KHDRBS3: variants seen among roughly 807,000 people sequenced by gnomAD.
KHDRBS3 encodes KH domain-containing, RNA-binding, signal transduction-associated protein 3.
KHDRBS3 carries 23 observed loss-of-function variants against 45.6 expected under a neutral mutation model. That is an observed-to-expected ratio of 0.50 (90% confidence interval 0.36 to 0.72). The LOEUF (loss-of-function observed/expected upper bound fraction) is 0.72, where lower values mean the gene tolerates loss of function less well. Among genes scored for constraint, KHDRBS3 ranks in the 30% least tolerant of loss-of-function variants. KHDRBS3 has a pLI of 0.00. For missense variants in KHDRBS3, 352 were observed against 424.8 expected, an observed-to-expected ratio of 0.83 and a Z score of 1.51; for synonymous variants, 162 against 156.5, an observed-to-expected ratio of 1.04 and a Z score of -0.26.
intron 6 of KHDRBS3, among the ~76,000 whole-genome samples, chr8:135,604,344 G>A (rs2131016327): frequency 6.6e-6 from 1 of 151,986 alleles, no homozygotes; most frequent in African/African-American, 2.4e-5. Flanking sequence ...TAGACAGCAT[G>A]TGGTTGGATC....
intron 5 of KHDRBS3, among the ~76,000 whole-genome samples, 170 bp downstream of exon 5, chr8:135,557,757 C>T (rs962959040): frequency 3.3e-5 from 5 of 152,112 alleles, no homozygotes; most frequent in African/African-American, 1.2e-4. Flanking sequence ...AGTTCGAGGC[C>T]ATGGTATGCT....
chr8:135,614,695 C>A (rs1176276933), intron 7 of KHDRBS3, among the ~76,000 whole-genome samples: 1 of 151,266 alleles, frequency 6.6e-6, no homozygotes, highest in Non-Finnish European at 1.5e-5. Context: ...TTCCCAAGAC[C>A]CCATGGTAAG....
At chr8:135,545,976 A>G (rs1361813595) in intron 3 of KHDRBS3, among the ~76,000 whole-genome samples, 1 of 152,054 alleles carries the variant, frequency 6.6e-6, no homozygotes, top group Non-Finnish European at 1.5e-5. Context: ...CATCTATACT[A>G]AAAATATAAA....
rs1411654335 is a variant in KHDRBS3, at chr8:135,524,893, G to A, written c.207+3538G>A. Among the ~76,000 whole-genome samples, 4 of 151,538 alleles carry A rather than the reference G, an allele frequency of 2.6e-5. No individual in the cohort carries two copies. The East Asian group carries it at 7.7e-4, about 29-fold the overall frequency. ...TGTAAAAATATTTTTTTCTCTCTTG[G>A]GATTTTCTATTTTTTAATTCATTGC... is the stretch of plus-strand genomic sequence containing the variant. On this transcript the variant is annotated intron_variant, in intron 2 of 8. Coordinates refer to ENST00000355849, the MANE Select transcript of KHDRBS3 (RefSeq NM_006558.3).
intron 8 of KHDRBS3, among the ~76,000 whole-genome samples, chr8:135,645,992 ATTTTTTTTTTTTT>A (rs57082119): frequency 7.0e-5 from 7 of 100,688 alleles, no homozygotes; most frequent in Admixed American, 2.5e-4. Context: ...TGCACCTTGG[ATTTTTTTTTTTTT>A]TTTTTTTTTT....
chr8:135,595,109 A>C (rs897243432), intron 6 of KHDRBS3, among the ~76,000 whole-genome samples: 2 of 152,224 alleles, frequency 1.3e-5, no homozygotes, highest in Non-Finnish European at 2.9e-5. Flanking sequence ...GGCACAGAAT[A>C]GTAGATATTC....
At chr8:135,604,500 CCTT>C (rs1311346245) in intron 6 of KHDRBS3, among the ~76,000 whole-genome samples, 1 of 151,320 alleles carries the variant, frequency 6.6e-6, no homozygotes, top group Non-Finnish European at 1.5e-5. Context: ...TACCTTACTT[CCTT>C]CTTTTGTGTT....
intron 1 of KHDRBS3, among the ~76,000 whole-genome samples, chr8:135,473,635 C>T (rs1822125306): frequency 1.3e-5 from 2 of 152,200 alleles, no homozygotes; most frequent in South Asian, 4.1e-4. Flanking sequence ...GCTCACTTGT[C>T]TGCTTCAGGC....
chr8:135,591,752 C>T (rs1211525071), intron 6 of KHDRBS3, among the ~76,000 whole-genome samples: 1 of 152,134 alleles, frequency 6.6e-6, no homozygotes, highest in Non-Finnish European at 1.5e-5. Context: ...TCAGTGAAGT[C>T]ATCCTTCTCA....
chr8:135,581,209 A>G (rs558847144), intron 5 of KHDRBS3, among the ~76,000 whole-genome samples: 2 of 151,966 alleles, frequency 1.3e-5, no homozygotes, highest in African/African-American at 2.4e-5. Context: ...TTCTGTCCTT[A>G]TGTTTTCTCA....
rs551765210 is a variant in KHDRBS3 at position 135,614,694 on chromosome 8, C to T, written c.890+7657C>T. ...ACCCGTAAATACTTAATTCCCAAGA[C>T]CCCATGGTAAGGGAAAAAAAAACAA... On this transcript the variant is annotated intron_variant, in intron 7 of 8. Transcript: ENST00000355849. Among the ~76,000 whole-genome samples the T allele has an allele frequency of 2.8e-3, 421 of 151,532 alleles. 17 individuals are homozygous for T. The highest frequency in any genetic ancestry group is 9.6e-3 in the African/African-American group (395 of 40,986).
At chr8:135,564,719 G>A (rs1164977060) in intron 5 of KHDRBS3, among the ~76,000 whole-genome samples, 2 of 152,126 alleles carry the variant, frequency 1.3e-5, no homozygotes, top group African/African-American at 4.8e-5. Flanking sequence ...GTATTTTGAA[G>A]CCAATCCGAT....
intron 5 of KHDRBS3, among the ~76,000 whole-genome samples, chr8:135,558,081 A>G (rs1018873726): frequency 2.6e-5 from 4 of 152,200 alleles, no homozygotes; most frequent in Non-Finnish European, 4.4e-5. Context: ...GTGTTTTGCC[A>G]TTGAGTAAAC....
chr8:135,574,040 C>T (rs1024757161), intron 5 of KHDRBS3, among the ~76,000 whole-genome samples: 1 of 152,190 alleles, frequency 6.6e-6, no homozygotes, highest in South Asian at 2.1e-4. Context: ...CTAATAGATG[C>T]TTTTTCTCTT....
chr8:135,560,651 C>A (rs1827125094), intron 5 of KHDRBS3, among the ~76,000 whole-genome samples: 1 of 152,138 alleles, frequency 6.6e-6, no homozygotes, highest in South Asian at 2.1e-4. Flanking sequence ...AATACAGTAC[C>A]TGGACAGATA....
At chr8:135,637,953 C>T (rs764417460) in intron 7 of KHDRBS3, among the ~76,000 whole-genome samples, 6 of 152,244 alleles carry the variant, frequency 3.9e-5, no homozygotes, top group Middle Eastern at 3.4e-3. Flanking sequence ...CTGGTCCACC[C>T]ACCCCTCCTT....
intron 1 of KHDRBS3, among the ~76,000 whole-genome samples, chr8:135,515,280 G>GACGTGA (rs1824520190): frequency 1.4e-5 from 2 of 146,004 alleles, no homozygotes; most frequent in South Asian, 4.5e-4. Flanking sequence ...GTAGGAGAAT[G>GACGTGA]ACGTGAACCC....
At chr8:135,458,803 G>C in intron 1 of KHDRBS3, 1 of 453,526 alleles carries the variant, frequency 2.2e-6, no homozygotes. Context: ...ATCCTAGGAA[G>C]TACTGCGGGT....
intron 7 of KHDRBS3, among the ~76,000 whole-genome samples, chr8:135,637,476 C>G (rs971444273): frequency 1.3e-5 from 2 of 152,124 alleles, no homozygotes; most frequent in Non-Finnish European, 2.9e-5. Context: ...TAAATTTTAT[C>G]ATGACGATTA....
Sources: gnomAD v4.1 joint callset for allele counts (sites outside exome capture counted in the v4.1 genomes callset) on GRCh38, gnomAD v4.1.1 for gene constraint, MANE v1.5 for transcripts, NCBI Gene and HGNC (gene_info 2026-07-23, HGNC 2026-07-21) for gene names.